ZNF568: variants seen among roughly 807,000 people sequenced by gnomAD.
The protein encoded by ZNF568 is p53 inhibitor of SCO2 activation.
In ZNF568, 11 loss-of-function variants were observed where a neutral mutation model predicts 18.1. The observed-to-expected ratio is 0.61, with a 90% CI of 0.38 to 1.00. The LOEUF (loss-of-function observed/expected upper bound fraction) is 1.00, where lower values mean the gene tolerates loss of function less well. ZNF568 is among the 50% of genes least tolerant of loss of function. ZNF568 has a pLI of 0.01. For synonymous variants in ZNF568, 213 were observed against 246.6 expected (o/e 0.86, Z 1.28); for missense variants, 639 against 768.2 (o/e 0.83, Z 1.99).
downstream of ZNF568, among the ~76,000 whole-genome samples, chr19:36,984,540 A>G (rs1272445124): frequency 6.6e-6 from 1 of 152,040 alleles, no homozygotes; most frequent in East Asian, 1.9e-4. Flanking sequence ...AGAAATTTTT[A>G]TTTTATGTAT....
In ZNF568 at chr19:36,950,289, T is replaced by C. The variant is rs2146311860; in HGVS notation, c.1136T>C (p.Leu379Pro). 1 of 1,613,944 alleles carries C rather than the reference T, an allele frequency of 6.2e-7. No homozygotes were observed. Among genetic ancestry groups the C allele is most frequent in the Non-Finnish European group, 8.5e-7 (1 of 1,179,962 alleles). Residue 379 changes from leucine (L) to proline (P), a missense_variant, in exon 7 of 7, where the codon CTA (leucine) becomes CCA (proline). Leu to Pro is a moderately conservative substitution (Grantham distance 98, BLOSUM62 -3). Coordinates refer to ENST00000333987, the MANE Select transcript of ZNF568 (RefSeq NM_198539.4). The stretch of plus-strand genomic sequence containing the variant: ...TTTTCTCGAATGTCATCTGTTACGC[T>C]ACATATGAGAAGTCACACAGGGGAG... Reference protein sequence around the residue: ...RAFSRMSSVTLHMRSHTGEKP... With the variant: ...RAFSRMSSVTPHMRSHTGEKP...
At chr19:36,945,727 G>C (rs2073952105) in intron 6 of ZNF568, among the ~76,000 whole-genome samples, 1 of 115,922 alleles carries the variant, frequency 8.6e-6, no homozygotes, top group Non-Finnish European at 1.8e-5. Context: ...ATAAGGAAAT[G>C]TGTGATTATA....
intron 4 of ZNF568, 133 bp downstream of exon 4, chr19:36,925,391 C>A: frequency 1.2e-6 from 1 of 802,406 alleles, no homozygotes; most frequent in Non-Finnish European, 2.0e-6. Flanking sequence ...GATAGAAAAT[C>A]AGAACCTGGG....
intron 2 of ZNF568, among the ~76,000 whole-genome samples, chr19:36,919,248 C>T (rs547176056): frequency 2.0e-5 from 3 of 151,856 alleles, no homozygotes; most frequent in Non-Finnish European, 4.4e-5. Context: ...CAAAAACAGA[C>T]AAAAATAAGT....
intron 4 of ZNF568, among the ~76,000 whole-genome samples, chr19:36,929,247 A>G (rs760205373): frequency 5.3e-5 from 8 of 152,194 alleles, no homozygotes; most frequent in Non-Finnish European, 1.2e-4. Flanking sequence ...TGTATCTTAA[A>G]AGTGAAGAAA....
chr19:36,988,731 C>G (rs1017377675), intron 2 of ZNF568, among the ~76,000 whole-genome samples: 1 of 152,066 alleles, frequency 6.6e-6, no homozygotes, highest in Non-Finnish European at 1.5e-5. Flanking sequence ...AATCCTAGCA[C>G]TTTGGGGTCA....
At chr19:36,983,578 A>G (rs1382106699), downstream of ZNF568, among the ~76,000 whole-genome samples, 1 of 152,150 alleles carries the variant, frequency 6.6e-6, no homozygotes, top group African/African-American at 2.4e-5. Context: ...GCATTGTTCT[A>G]TATGCAGCCA....
In ZNF568 at chr19:36,928,470, G is replaced by C. The variant is rs539687361; in HGVS notation, c.135+3212G>C. Among the ~76,000 whole-genome samples, 3 of 152,258 alleles carry C rather than the reference G, an allele frequency of 2.0e-5. No homozygotes were observed. The South Asian group carries it at 6.2e-4, about 32-fold the overall frequency. The stretch of plus-strand genomic sequence containing the variant: ...ATAATAAGCTACAAGCTAGTACCAT[G>C]TTTACTTGTAAAAATTAGGCACTTT... On this transcript the variant is annotated intron_variant, in intron 4 of 6. Coordinates refer to ENST00000333987, the MANE Select transcript of ZNF568 (RefSeq NM_198539.4).
chr19:36,933,899 G>GTTTTTTTTTT (rs1491540772), intron 4 of ZNF568, among the ~76,000 whole-genome samples: 1 of 21,478 alleles, frequency 4.7e-5, no homozygotes, highest in East Asian at 6.5e-4. Flanking sequence ...TTTTGGGTAG[G>GTTTTTTTTTT]TTTTTTTTTT....
chr19:36,956,601 CTT>C (rs887422184), downstream of ZNF568, among the ~76,000 whole-genome samples: 4 of 118,288 alleles, frequency 3.4e-5, no homozygotes, highest in Non-Finnish European at 1.9e-5. Context: ...TTAAAAAAAA[CTT>C]TTTTTTTTTT....
downstream of ZNF568, chr19:36,997,268 A>G (rs1421278233): frequency 6.2e-6 from 10 of 1,603,960 alleles, no homozygotes; most frequent in Non-Finnish European, 7.7e-6. Context: ...ATTCGACATC[A>G]GAGTGTCCAT....
At chr19:36,973,634 G>T (rs1600843923) in intron 6 of ZNF568, 1 of 152,942 alleles carries the variant, frequency 6.5e-6, no homozygotes, top group African/African-American at 2.4e-5. Flanking sequence ...AAAAGTCCGG[G>T]CAGTTCTCCC....
chr19:36,991,305 T>A, intron 3 of ZNF568: 1 of 1,532,278 alleles, frequency 6.5e-7, no homozygotes. Context: ...ACTGGGTAAC[T>A]TTATCTGCCC....
downstream of ZNF568, among the ~76,000 whole-genome samples, chr19:36,955,338 G>T (rs2074099788): frequency 6.6e-6 from 1 of 151,122 alleles, no homozygotes; most frequent in African/African-American, 2.4e-5. Context: ...AGTCAACAGA[G>T]AAATGTAAAA....
intron 2 of ZNF568, chr19:36,991,122 C>A: frequency 1.3e-6 from 2 of 1,496,848 alleles, no homozygotes; most frequent in Non-Finnish European, 1.8e-6. Context: ...TTTATGTTGT[C>A]TTAAAGATTT....
Position 36,949,969 on chromosome 19 carries a change from T to C in ZNF568, c.816T>C (p.His272=). The change falls in exon 7 of 7, where the codon CAT becomes CAC. Residue 272 remains histidine (H), a synonymous_variant. Transcript: ENST00000333987. ...KENLITHQKI[H]TGEKPYKCNE... ...ATCTTATTACACATCAGAAAATTCA[T>C]ACTGGGGAAAAACCGTATAAGTGTA... 1 of 1,613,822 alleles carries C rather than the reference T, an allele frequency of 6.2e-7. No homozygotes were observed. The highest frequency in any genetic ancestry group is 8.5e-7 in the Non-Finnish European group (1 of 1,179,904).
intron 3 of ZNF568, 59 bp from the exon 4 acceptor site, chr19:36,925,141 T>G: frequency 6.5e-7 from 1 of 1,535,438 alleles, no homozygotes; most frequent in Non-Finnish European, 9.0e-7. Context: ...GTACTGAAGA[T>G]TTCTATATTC....
chr19:36,980,163 A>T (rs1368850397), downstream of ZNF568: 2 of 152,094 alleles, frequency 1.3e-5, no homozygotes, highest in African/African-American at 4.8e-5. Context: ...TGTGCTGTGC[A>T]TGCTTTCTTA....
At chr19:36,958,616 CTTTT>C (rs35494587) in intron 6 of ZNF568, among the ~76,000 whole-genome samples, 5 of 99,086 alleles carry the variant, frequency 5.0e-5, no homozygotes, top group Non-Finnish European at 9.6e-5. Context: ...CTTTTTCTTT[CTTTT>C]TTTTTTTTTT....
Sources: gnomAD v4.1 joint callset for allele counts (sites outside exome capture counted in the v4.1 genomes callset) on GRCh38, gnomAD v4.1.1 for gene constraint, MANE v1.5 for transcripts, NCBI Gene and HGNC (gene_info 2026-07-23, HGNC 2026-07-21) for gene names.